Variants in PIK3C2G observed in about 807,000 individuals in gnomAD.
The protein encoded by PIK3C2G is phosphatidylinositol-4-phosphate 3-kinase catalytic subunit type 2 gamma, also known as phosphatidylinositol 3-kinase C2 domain-containing subunit gamma.
PIK3C2G carries 168 observed loss-of-function variants against 181.1 expected under a neutral mutation model. That is an observed-to-expected ratio of 0.93 (90% CI 0.82 to 1.05). The LOEUF (loss-of-function observed/expected upper bound fraction) is 1.05. Ranked by LOEUF, PIK3C2G falls within the 50% of genes least tolerant of loss-of-function variation. The pLI, the probability that PIK3C2G is intolerant of heterozygous loss-of-function variation, is 0.00. For synonymous variants in PIK3C2G, 573 were observed against 592.2 expected (o/e 0.97, Z 0.47); for missense variants, 1,869 against 1,732.8 (o/e 1.08, Z -1.40).
chr12:18,600,027 G>A (rs77009684), intron 30 of PIK3C2G, among the ~76,000 whole-genome samples: 1,621 of 151,818 alleles, frequency 0.011, 31 homozygotes, highest in African/African-American at 0.037. Flanking sequence ...ATTTATGAAA[G>A]ACCAAATGGA....
At chr12:18,405,600 A>C in intron 16 of PIK3C2G, among the ~76,000 whole-genome samples, 1 of 152,140 alleles carries the variant, frequency 6.6e-6, no homozygotes, top group East Asian at 1.9e-4. Context: ...AGGTTGCAGG[A>C]GATCCAGAAA....
At chr12:18,719,252 G>T in the PIK3C2G span, among the ~76,000 whole-genome samples, 1 of 152,118 alleles carries the variant, frequency 6.6e-6, no homozygotes, top group South Asian at 2.1e-4. Context: ...AAATTACGTT[G>T]CCACTTCATC....
chr12:18,629,010 A>G (rs529566027), intron 31 of PIK3C2G, among the ~76,000 whole-genome samples: 1 of 152,342 alleles, frequency 6.6e-6, no homozygotes, highest in African/African-American at 2.4e-5. Context: ...AAATATTAAA[A>G]TTGTGGTAAC....
the PIK3C2G span, among the ~76,000 whole-genome samples, chr12:18,662,615 C>T: frequency 1.5e-3 from 227 of 152,200 alleles, no homozygotes; most frequent in African/African-American, 4.7e-3. Flanking sequence ...TTGTTTTCTA[C>T]ATTATTTAAG....
At chr12:18,650,214 C>A (rs79483469), downstream of PIK3C2G, among the ~76,000 whole-genome samples, 260 of 151,520 alleles carry the variant, frequency 1.7e-3, 8 homozygotes, top group East Asian at 0.037. Context: ...CCTGTTTTAT[C>A]CACATCCTTT....
At chr12:18,503,215 A>G in intron 22 of PIK3C2G, 66 bp from the exon 23 acceptor site, 1 of 1,248,964 alleles carries the variant, frequency 8.0e-7, no homozygotes, top group Non-Finnish European at 1.1e-6. Flanking sequence ...TTGTTGTTAT[A>G]TTTCCTAAGG....
rs747504141 is a variant in PIK3C2G, at chr12:18,338,552, AG to A, written c.1395+5del. The A allele has an allele frequency of 3.2e-6, 5 of 1,572,618 alleles. No individual in the cohort carries two copies. In the South Asian group the frequency reaches 5.7e-5, roughly 18 times the overall value. On this transcript the variant is annotated splice_donor_5th_base_variant and intron_variant, in intron 9 of 32. Transcript: ENST00000538779. The stretch of plus-strand genomic sequence containing the variant: ...AATTCTTCAGAGAAAAGGAGAGGTA[AG>A]TACATTCATTTATTACACAGTAGTT...
Position 18,527,878 on chromosome 12 carries a change from C to G in PIK3C2G, c.3324-10278C>G, listed in dbSNP as rs547620810. On this transcript the variant is annotated intron_variant, in intron 24 of 32. Transcript: ENST00000538779. ...GCCTGAGAGGAACCAGAGTTAGTAA[C>G]TAAAGTTATTAATCTATTGATGATC... Among the ~76,000 whole-genome samples, 3 of 152,132 alleles carry G rather than the reference C, an allele frequency of 2.0e-5. No homozygotes were observed. In the South Asian group the frequency reaches 6.2e-4, roughly 32 times the overall value.
Position 18,329,108 on chromosome 12 carries a change from C to A in PIK3C2G, c.1272+4010C>A, listed in dbSNP as rs541395273. On this transcript the variant is annotated intron_variant, in intron 8 of 32. Transcript: ENST00000538779. ...TCAAAGCTATCATGTATAGAACACT[C>A]TCAGACTTGAAGAAGTATAAAAAAA... Among the ~76,000 whole-genome samples the A allele has an allele frequency of 3.9e-5, 6 of 151,922 alleles. No homozygotes were observed. In the South Asian group the frequency reaches 1.2e-3, roughly 32 times the overall value.
chr12:18,632,971 T>A (rs1949415075), intron 31 of PIK3C2G, among the ~76,000 whole-genome samples: 1 of 151,882 alleles, frequency 6.6e-6, no homozygotes, highest in Non-Finnish European at 1.5e-5. Context: ...ACACATTAAA[T>A]TAACCATCAC....
At chr12:18,487,632 G>C (rs1288006055) in intron 18 of PIK3C2G, among the ~76,000 whole-genome samples, 1 of 151,978 alleles carries the variant, frequency 6.6e-6, no homozygotes, top group East Asian at 1.9e-4. Flanking sequence ...AACATTTGTT[G>C]TTGCTCCATT....
intron 14 of PIK3C2G, among the ~76,000 whole-genome samples, chr12:18,389,338 G>C (rs1943387017): frequency 6.7e-6 from 1 of 149,078 alleles, no homozygotes; most frequent in Non-Finnish European, 1.5e-5. Context: ...GGGCAACAGA[G>C]TGAGACTCCA....
At chr12:18,685,819 ATCTC>A in the PIK3C2G span, among the ~76,000 whole-genome samples, 1,986 of 141,956 alleles carry the variant, frequency 0.014, 54 homozygotes, top group African/African-American at 0.052. Flanking sequence ...CTCCTCCTGT[ATCTC>A]TCTCTGTCAC....
At chr12:18,511,791 T>C (rs985440790) in intron 24 of PIK3C2G, among the ~76,000 whole-genome samples, 1 of 152,116 alleles carries the variant, frequency 6.6e-6, no homozygotes, top group Non-Finnish European at 1.5e-5. Flanking sequence ...GCTAATTGTT[T>C]CCTTTACTGA....
At chr12:18,683,632 C>A in the PIK3C2G span, 2 of 1,384,584 alleles carry the variant, frequency 1.4e-6, no homozygotes, top group Non-Finnish European at 1.9e-6. Flanking sequence ...ATCTCAGATG[C>A]TGTTAGAAAA....
intron 18 of PIK3C2G, among the ~76,000 whole-genome samples, chr12:18,483,685 C>G (rs144771014): frequency 2.0e-5 from 3 of 151,564 alleles, no homozygotes; most frequent in Non-Finnish European, 2.9e-5. Flanking sequence ...GGATACCCCC[C>G]GAGAATGTTT....
intron 10 of PIK3C2G, among the ~76,000 whole-genome samples, chr12:18,344,138 T>C (rs1474506917): frequency 1.3e-5 from 2 of 152,118 alleles, no homozygotes; most frequent in Admixed American, 6.6e-5. Flanking sequence ...TTGTAGATGG[T>C]ACTTGGCACA....
In PIK3C2G at chr12:18,410,087, G is replaced by A. The variant is rs560482233; in HGVS notation, c.2315+10240G>A. 2.6e-5 allele frequency among the ~76,000 whole-genome samples: 4 copies of A among 152,164 alleles called. No homozygotes were observed. In the South Asian group the frequency reaches 8.3e-4, roughly 32 times the overall value. On this transcript the variant is annotated intron_variant, in intron 16 of 32. Transcript: ENST00000538779. ...ACAATTCAACATGAGATTTGGGTGG[G>A]GACACAAATCCAAACCATATCAAGG...
intron 16 of PIK3C2G, among the ~76,000 whole-genome samples, chr12:18,419,624 G>T (rs1005592372): frequency 1.3e-5 from 2 of 152,172 alleles, no homozygotes; most frequent in Non-Finnish European, 2.9e-5. Context: ...CACCAAATGT[G>T]TCTGGACCGC....
Sources: allele counts gnomAD v4.1 joint callset (sites outside exome capture counted in the v4.1 genomes callset), GRCh38; gene constraint gnomAD v4.1.1; transcripts MANE v1.5; gene names NCBI Gene and HGNC (gene_info 2026-07-23, HGNC 2026-07-21).